The following THOC2 variants were observed in gnomAD, a reference collection of about 807,000 sequenced individuals.
The protein encoded by THOC2 is THO complex subunit 2.
Under a neutral mutation model 128.4 loss-of-function variants are expected in THOC2, and 10 were observed. That is an observed-to-expected ratio of 0.08 (90% CI 0.05 to 0.13). The LOEUF (loss-of-function observed/expected upper bound fraction) is 0.13, where lower values mean the gene tolerates loss of function less well. Ranked by LOEUF, THOC2 falls within the 10% of genes least tolerant of loss-of-function variation. The pLI, the probability that THOC2 is intolerant of heterozygous loss-of-function variation, is 1.00. For synonymous variants in THOC2, 393 were observed against 396.9 expected (o/e 0.99, Z 0.12); for missense variants, 535 against 1,155.7 (o/e 0.46, Z 7.79).
At position 123,662,655 on chromosome X, in the gene THOC2, G is replaced by GAT. The variant is rs1447599283; in HGVS notation, c.1386+2985_1386+2986dup. Among the ~76,000 whole-genome samples, 3 of 105,467 alleles carry GAT rather than the reference G, an allele frequency of 2.8e-5. No individual in the cohort carries two copies. The East Asian group carries it at 8.8e-4, about 31-fold the overall frequency. The allele number at this position is 105,467 out of a possible 115,157, so 91.6% of individuals were successfully genotyped here. On this transcript the variant is annotated intron_variant, in intron 12 of 38. Transcript: ENST00000245838. ...ACGTTAAAATTTTTTGCTGTCAAAA[G>GAT]ATAGTTAACAAAATGAAAAGGCAAA...
chrX:123,638,980 T>C lies in THOC2; in HGVS notation c.1794A>G (p.Val598=). ...QKYDNLITPV[V]DSLKYLTSLN... is the part of the protein sequence containing the mutation. ...GTGAAGTGAGGTATTTCAATGAATC[T>C]ACTACAGGTGTTATTAAGTTATCAT... The change falls in exon 17 of 39, where the codon GTA becomes GTG. Residue 598 remains valine (V), a synonymous_variant. Coordinates refer to ENST00000245838, the MANE Select transcript of THOC2 (RefSeq NM_001081550.2). 1 of 1,188,923 alleles carries C rather than the reference T, an allele frequency of 8.4e-7. No homozygotes were observed. Among genetic ancestry groups the C allele is most frequent in the South Asian group, 1.9e-5 (1 of 53,989 alleles).
At chrX:123,664,881 A>G (rs181439103) in intron 12 of THOC2, among the ~76,000 whole-genome samples, 1 of 111,979 alleles carries the variant, frequency 8.9e-6, no homozygotes, top group African/African-American at 3.2e-5. Flanking sequence ...TAAATAAATA[A>G]AAGAATGGGT....
intron 7 of THOC2, among the ~76,000 whole-genome samples, chrX:123,694,477 T>C (rs1437916226): frequency 9.1e-6 from 1 of 109,479 alleles, no homozygotes; most frequent in East Asian, 2.9e-4. Flanking sequence ...TAGCTGGGTG[T>C]GTTGGCTGGA....
rs749030079 is a variant in THOC2 at position 123,668,225 on chromosome X, C to G, written c.951G>C (p.Val317=). 2 of 1,202,014 alleles carry G rather than the reference C, an allele frequency of 1.7e-6. No homozygotes were observed. The highest frequency in any genetic ancestry group is 3.6e-5 in the South Asian group (2 of 55,225). The change falls in exon 10 of 39, where the codon GTG becomes GTC. Residue 317 remains valine, a synonymous_variant. Coordinates refer to ENST00000245838, the MANE Select transcript of THOC2 (RefSeq NM_001081550.2). ...GCTCATCCATTTTTTCAGAAGACAA[C>G]ACAACCATCGTAAGCTTTCTAACAA... ...KQIVRKLTMV[V]LSSEKMDERE... is the part of the protein sequence containing the mutation.
chrX:123,633,854 ATTTGGTTT>A, intron 20 of THOC2, 91 bp downstream of exon 20: 1 of 517,858 alleles, frequency 1.9e-6, no homozygotes, highest in Non-Finnish European at 3.2e-6. Context: ...TGGCTTTGAC[ATTTGGTTT>A]TATAAACTTA....
intron 9 of THOC2, among the ~76,000 whole-genome samples, chrX:123,669,160 C>CA (rs150691806): frequency 0.018 from 1,654 of 89,671 alleles, 31 homozygotes; most frequent in African/African-American, 0.058. Context: ...TTCCATTTAT[C>CA]AAAAAAAAAA....
chrX:123,662,519 C>T (rs1181610196), intron 12 of THOC2, among the ~76,000 whole-genome samples: 1 of 98,213 alleles, frequency 1.0e-5, no homozygotes, highest in Non-Finnish European at 2.0e-5. Context: ...ACCAGGGAGG[C>T]GGAGCTTGCA....
chrX:123,624,090 A>G lies in THOC2; in HGVS notation c.3288T>C (p.Val1096=). The part of the protein sequence containing the change: ...DQLDYENFRH[V]VHKWHYKLTK... Reference sequence around the variant, plus strand: ...TTAGTTTGTAATGCCATTTATGTACAACATGTCGAAAATTTTCATAGTCTA... The same window carrying G: ...TTAGTTTGTAATGCCATTTATGTACGACATGTCGAAAATTTTCATAGTCTA... The change falls in exon 27 of 39, where the codon GTT becomes GTC. Residue 1096 remains valine (V), a synonymous_variant. Transcript: ENST00000245838. 1.7e-6 allele frequency: 2 copies of G among 1,198,538 alleles called. No individual in the cohort carries two copies. The highest frequency in any genetic ancestry group is 2.2e-6 in the Non-Finnish European group (2 of 891,497).
chrX:123,730,473 C>T, intron 1 of THOC2, among the ~76,000 whole-genome samples: 1 of 112,287 alleles, frequency 8.9e-6, no homozygotes, highest in Non-Finnish European at 1.9e-5. Context: ...CCACCACGCT[C>T]GGCTTCTAAT....
rs2047146685 is a variant in THOC2, at chrX:123,623,193, G to A, written c.3594C>T (p.Ala1198=). 1 of 1,209,279 alleles carries A rather than the reference G, an allele frequency of 8.3e-7. No homozygotes were observed. The highest frequency in any genetic ancestry group is 1.7e-5 in the African/African-American group (1 of 57,287). ...CACCACCAGGCCCATTTTGCACACT[G>A]GCAACTGCATTCCTCGGAGGGGGGT... ...HKDPPPRNAV[A]SVQNGPGGGP... The change falls in exon 29 of 39, where the codon GCC becomes GCT. Residue 1198 remains alanine, a synonymous_variant. Transcript: ENST00000245838.
chrX:123,700,001 A>G (rs2147913381), intron 4 of THOC2, among the ~76,000 whole-genome samples: 1 of 111,200 alleles, frequency 9.0e-6, no homozygotes, highest in African/African-American at 3.3e-5. Flanking sequence ...AAACTCATTT[A>G]TTATCCCTGA....
chrX:123,650,900 G>A (rs1235603603), intron 12 of THOC2, among the ~76,000 whole-genome samples: 2 of 111,509 alleles, frequency 1.8e-5, no homozygotes, highest in African/African-American at 3.3e-5. Context: ...ACAGATCAAC[G>A]ACACAGAAAA....
intron 8 of THOC2, among the ~76,000 whole-genome samples, chrX:123,683,844 C>T (rs1569419249): frequency 9.0e-6 from 1 of 110,994 alleles, no homozygotes; most frequent in Non-Finnish European, 1.9e-5. Flanking sequence ...AGGTGACCCA[C>T]CTGCCTCGCC....
At chrX:123,713,476 C>CAAAAAAA (rs1245124629) in intron 1 of THOC2, among the ~76,000 whole-genome samples, 117 of 38,379 alleles carry the variant, frequency 3.0e-3, no homozygotes, top group African/African-American at 9.4e-3. Context: ...TCTGTCTCTA[C>CAAAAAAA]AAAAAAAAAA....
At position 123,627,847 on chromosome X, in the gene THOC2, T is replaced by C; in HGVS notation, c.2603A>G (p.His868Arg). The change falls in exon 23 of 39, where the codon CAT becomes CGT. Residue 868 changes from histidine to arginine, a missense_variant. By Grantham distance (29) the His-to-Arg change is conservative. Transcript: ENST00000245838. ...APVHEAVVSLHVSKVWDDISP... is the reference protein window; with the variant it reads ...APVHEAVVSLRVSKVWDDISP... Reference sequence around the variant, plus strand: ...GATGTCATCCCAGACTTTGGAAACATGTAAGGAGACCACTGCTTCATGGAC... The same window carrying C: ...GATGTCATCCCAGACTTTGGAAACACGTAAGGAGACCACTGCTTCATGGAC... The C allele has an allele frequency of 8.3e-7, 1 of 1,212,062 alleles. No individual in the cohort carries two copies. The highest frequency in any genetic ancestry group is 1.1e-6 in the Non-Finnish European group (1 of 895,576).
chrX:123,683,071 G>T (rs747446045), intron 8 of THOC2, among the ~76,000 whole-genome samples: 4 of 111,280 alleles, frequency 3.6e-5, no homozygotes, highest in African/African-American at 1.3e-4. Context: ...AAAATGCCTG[G>T]GACCAGAAGT....
chrX:123,613,584 G>A, intron 35 of THOC2, 28 bp from the exon 36 acceptor site: 1 of 1,207,129 alleles, frequency 8.3e-7, no homozygotes. Context: ...AATCATGAAA[G>A]CCTTTTCCAA....
At chrX:123,628,327 G>C (rs1453669068) in intron 22 of THOC2, among the ~76,000 whole-genome samples, 1 of 111,464 alleles carries the variant, frequency 9.0e-6, no homozygotes, top group East Asian at 2.8e-4. Context: ...TTCCAGTCCT[G>C]CTTTTGAGAT....
chrX:123,692,249 T>C (rs956926591), intron 7 of THOC2, among the ~76,000 whole-genome samples: 11 of 111,872 alleles, frequency 9.8e-5, no homozygotes, highest in Admixed American at 3.8e-4. Context: ...TTCTAAAAGA[T>C]GTTTTTTTGC....
Sources: allele counts gnomAD v4.1 joint callset (sites outside exome capture counted in the v4.1 genomes callset), GRCh38; gene constraint gnomAD v4.1.1; transcripts MANE v1.5; gene names NCBI Gene and HGNC (gene_info 2026-07-23, HGNC 2026-07-21).